The following RAPGEF2 variants were observed in gnomAD, a reference collection of about 807,000 sequenced individuals.
RAPGEF2 encodes PDZ domain containing guanine nucleotide exchange factor (GEF) 1.
RAPGEF2 carries 54 observed loss-of-function variants against 186.7 expected under a neutral mutation model. The ratio of observed to expected loss-of-function variants is 0.29; its 90% confidence interval spans 0.23 to 0.36. RAPGEF2 has a LOEUF of 0.36. Ranked by LOEUF, RAPGEF2 falls within the 10% of genes least tolerant of loss-of-function variation. The pLI, the probability that RAPGEF2 is intolerant of heterozygous loss-of-function variation, is 1.00. For synonymous variants in RAPGEF2, 712 were observed against 705.9 expected, an observed-to-expected ratio of 1.01 and a Z score of -0.14; for missense variants, 1,532 against 2,045.0, an observed-to-expected ratio of 0.75 and a Z score of 4.84.
chr4:159,236,395 G>T (rs1753260724), intron 4 of RAPGEF2, among the ~76,000 whole-genome samples: 1 of 152,158 alleles, frequency 6.6e-6, no homozygotes, highest in African/African-American at 2.4e-5. Context: ...TTGGTAAGAG[G>T]ATTTACGCCT....
chr4:159,215,910 G>A (rs554332901), intron 4 of RAPGEF2, among the ~76,000 whole-genome samples: 2 of 152,304 alleles, frequency 1.3e-5, no homozygotes, highest in African/African-American at 4.8e-5. Flanking sequence ...GGCTTCTCAT[G>A]CATGGACTCT....
At chr4:159,283,821 G>T (rs965188234) in intron 7 of RAPGEF2, among the ~76,000 whole-genome samples, 4 of 152,132 alleles carry the variant, frequency 2.6e-5, no homozygotes, top group African/African-American at 9.7e-5. Flanking sequence ...AACCATTTAA[G>T]TATTTAGCTG....
At chr4:159,181,541 C>A (rs558641393) in intron 1 of RAPGEF2, among the ~76,000 whole-genome samples, 1 of 149,644 alleles carries the variant, frequency 6.7e-6, no homozygotes, top group Admixed American at 6.6e-5. Flanking sequence ...CTTACATTGT[C>A]AGAATATAAG....
intron 11 of RAPGEF2, chr4:159,327,506 T>C (rs1766087758): frequency 6.6e-6 from 1 of 152,022 alleles, no homozygotes; most frequent in East Asian, 1.9e-4. Flanking sequence ...TACAAAAAAA[T>C]TACCTGGGCA....
At chr4:159,279,580 A>G (rs1014535785) in intron 7 of RAPGEF2, among the ~76,000 whole-genome samples, 1 of 152,232 alleles carries the variant, frequency 6.6e-6, no homozygotes, top group Non-Finnish European at 1.5e-5. Context: ...TAAAAGCAGT[A>G]TATTTTATTG....
At chr4:159,325,158 A>T (rs1457975989) in intron 11 of RAPGEF2, among the ~76,000 whole-genome samples, 1 of 152,096 alleles carries the variant, frequency 6.6e-6, no homozygotes, top group African/African-American at 2.4e-5. Flanking sequence ...CCACCAGCTA[A>T]TTCCGTCCAT....
At chr4:159,152,730 G>GCC (rs1251408657) in intron 1 of RAPGEF2, among the ~76,000 whole-genome samples, 1 of 152,156 alleles carries the variant, frequency 6.6e-6, no homozygotes, top group Non-Finnish European at 1.5e-5. Flanking sequence ...CCATTCTCCT[G>GCC]CCTCAGCCTC....
intron 4 of RAPGEF2, among the ~76,000 whole-genome samples, chr4:159,228,081 A>G (rs1022448591): frequency 6.6e-6 from 1 of 152,176 alleles, no homozygotes; most frequent in Non-Finnish European, 1.5e-5. Context: ...TCTGTCAGGC[A>G]GCCGCTGAGG....
chr4:159,322,205 G>T (rs891549138), intron 9 of RAPGEF2, 142 bp from the exon 10 acceptor site: 4 of 602,442 alleles, frequency 6.6e-6, no homozygotes, highest in East Asian at 5.8e-5. Context: ...AAATTCAGCT[G>T]GTGCTAAAGA....
At chr4:159,205,963 C>T (rs1192867215) in intron 3 of RAPGEF2, among the ~76,000 whole-genome samples, 1 of 151,964 alleles carries the variant, frequency 6.6e-6, no homozygotes. Flanking sequence ...GAGTGTCGCC[C>T]TGTCACCCAG....
rs774981458 is a variant in RAPGEF2 at position 159,322,475 on chromosome 4, G to A, written c.982G>A (p.Gly328Ser). The A allele has an allele frequency of 3.1e-6, 5 of 1,613,128 alleles. No homozygotes were observed. Among genetic ancestry groups the A allele is most frequent in the Non-Finnish European group, 4.2e-6 (5 of 1,179,374 alleles). ...ERAGTIVLNDGEELDSWSVIL... is the reference protein window; with the variant it reads ...ERAGTIVLNDSEELDSWSVIL... ...AGCAGGGACCATAGTGTTAAATGATGGTGAAGAGGTGAGTAACTATTCCTA... is the reference window on the plus strand; with the variant it reads ...AGCAGGGACCATAGTGTTAAATGATAGTGAAGAGGTGAGTAACTATTCCTA... The change falls in exon 10 of 30, where the codon GGT becomes AGT. Residue 328 changes from glycine to serine, a missense_variant. Gly to Ser is a moderately conservative substitution (Grantham distance 56). Around this residue, in one of 4 missense-constraint regions of RAPGEF2, gnomAD observed 810 missense variants for 1,210.5 expected, o/e 0.67. Transcript: ENST00000691494.
At chr4:159,252,724 A>C (rs1014391800) in intron 7 of RAPGEF2, among the ~76,000 whole-genome samples, 1 of 152,226 alleles carries the variant, frequency 6.6e-6, no homozygotes. Context: ...TGATAACTGC[A>C]TTCTTTCACA....
intron 7 of RAPGEF2, chr4:159,282,699 G>C (rs565075113): frequency 4.6e-6 from 2 of 437,880 alleles, no homozygotes; most frequent in Admixed American, 5.3e-5. Flanking sequence ...CTTAAGAAAT[G>C]ATCAAGGTAG....
chr4:159,239,839 T>C (rs1011651253), intron 5 of RAPGEF2, among the ~76,000 whole-genome samples: 1 of 152,202 alleles, frequency 6.6e-6, no homozygotes, highest in African/African-American at 2.4e-5. Flanking sequence ...AAACTTTTAT[T>C]CACATTTAGT....
rs539391336 is a variant in RAPGEF2 at position 159,103,393 on chromosome 4, A to AGGC, written c.-758_-756dup. ...CCGCTCCGGGCGCGCTGATGGGGGG[A>AGGC]GGCGGCGGCGGCGGAGCCCACAGCG... is the stretch of plus-strand genomic sequence containing the variant. On this transcript the variant is annotated 5_prime_UTR_variant, in exon 1 of 30. Transcript: ENST00000691494. The AGGC allele has an allele frequency of 8.1e-3, 1,239 of 153,340 alleles. 8 individuals are homozygous for AGGC. The highest frequency in any genetic ancestry group is 0.013 in the Non-Finnish European group (883 of 69,630). The allele number at this position is 153,340 out of a possible 1,614,324, so 9.5% of individuals were successfully genotyped here.
At chr4:159,175,744 C>T (rs1162199098) in intron 1 of RAPGEF2, among the ~76,000 whole-genome samples, 6 of 152,146 alleles carry the variant, frequency 3.9e-5, no homozygotes, top group African/African-American at 1.4e-4. Flanking sequence ...ATTATTTCAG[C>T]CTGTATAGGT....
At chr4:159,264,393 A>T (rs1267468432) in intron 7 of RAPGEF2, among the ~76,000 whole-genome samples, 4 of 152,188 alleles carry the variant, frequency 2.6e-5, no homozygotes, top group Non-Finnish European at 5.9e-5. Context: ...CACATTTTCC[A>T]GAGAGAGGCA....
intron 26 of RAPGEF2, 169 bp from the exon 27 acceptor site, chr4:159,352,516 A>G (rs1458274904): frequency 1.7e-6 from 1 of 590,864 alleles, no homozygotes; most frequent in Non-Finnish European, 3.0e-6. Context: ...CTTCATTAGA[A>G]TAAAACATTT....
intron 1 of RAPGEF2, among the ~76,000 whole-genome samples, chr4:159,135,893 C>T (rs1010870829): frequency 2.6e-5 from 4 of 152,234 alleles, no homozygotes; most frequent in African/African-American, 7.2e-5. Context: ...GCCACTGTGC[C>T]TGGCCTTAAT....
Sources: gnomAD v4.1 joint callset for allele counts (sites outside exome capture counted in the v4.1 genomes callset) on GRCh38, gnomAD v4.1.1 for gene constraint, gnomAD v4.1.1 regional missense constraint, MANE v1.5 for transcripts, NCBI Gene and HGNC (gene_info 2026-07-23, HGNC 2026-07-21) for gene names.